Variants in MICU2 observed in about 807,000 individuals in gnomAD.
MICU2 encodes mitochondrial calcium uptake 2, also known as calcium uptake protein 2, mitochondrial.
Under a neutral mutation model 60.4 loss-of-function variants are expected in MICU2, and 64 were observed. The observed-to-expected ratio is 1.06, with a 90% CI of 0.87 to 1.31. The LOEUF (loss-of-function observed/expected upper bound fraction) is 1.31, where lower values mean the gene tolerates loss of function less well. Ranked by LOEUF, MICU2 falls within the 50% of genes most tolerant of loss-of-function variation. The pLI, the probability that MICU2 is intolerant of heterozygous loss-of-function variation, is 0.00. For synonymous variants in MICU2, 201 were observed against 175.0 expected (o/e 1.15, Z -1.17); for missense variants, 569 against 531.0 (o/e 1.07, Z -0.70).
intron 2 of MICU2, among the ~76,000 whole-genome samples, chr13:21,542,474 A>T (rs1236239873): frequency 3.9e-5 from 6 of 152,050 alleles, no homozygotes; most frequent in Non-Finnish European, 8.8e-5. Context: ...TTCTTTGGCT[A>T]TTTCCACATT....
At chr13:21,597,525 T>C (rs1240884109) in intron 1 of MICU2, among the ~76,000 whole-genome samples, 3 of 152,194 alleles carry the variant, frequency 2.0e-5, no homozygotes, top group African/African-American at 7.2e-5. Flanking sequence ...TAGATAAACA[T>C]TTATGATGTG....
chr13:21,565,334 C>T (rs976928878), intron 2 of MICU2, among the ~76,000 whole-genome samples: 4 of 151,368 alleles, frequency 2.6e-5, no homozygotes, highest in Non-Finnish European at 4.4e-5. Context: ...TTGAGACCAG[C>T]CTGGCCAACA....
chr13:21,519,459 C>G lies in MICU2; in HGVS notation c.597+1786G>C, dbSNP rs568169097. On this transcript the variant is annotated intron_variant, in intron 6 of 11. Transcript: ENST00000382374. ...ACTCCATTATCCTGCACTCTCTGGG[C>G]TCTTTGGTACTCTGCTCACTGTTCT... Among the ~76,000 whole-genome samples the G allele has an allele frequency of 2.6e-5, 4 of 152,342 alleles. No homozygotes were observed. The East Asian group carries it at 7.7e-4, about 29-fold the overall frequency.
rs1271477685 is a variant in MICU2, at chr13:21,539,392, A to C, written c.391-15T>G. 6.2e-7 allele frequency: 1 copy of C among 1,605,606 alleles called. No individual in the cohort carries two copies. The highest frequency in any genetic ancestry group is 8.5e-7 in the Non-Finnish European group (1 of 1,176,080). On this transcript the variant is annotated splice_polypyrimidine_tract_variant and intron_variant, in intron 3 of 11. Transcript: ENST00000382374. ...TCCTCGATGTCCTTTGAATACACAT[A>C]TTAAAATTAAACTTCTAAAAGTTCA...
chr13:21,512,817 T>C (rs1394923191), intron 7 of MICU2, among the ~76,000 whole-genome samples: 3 of 152,222 alleles, frequency 2.0e-5, no homozygotes, highest in Non-Finnish European at 2.9e-5. Flanking sequence ...TCCAATGCCA[T>C]GAAGCTTTGC....
chr13:21,511,955 A>C (rs1271746843), intron 7 of MICU2, among the ~76,000 whole-genome samples: 2 of 152,156 alleles, frequency 1.3e-5, no homozygotes, highest in African/African-American at 4.8e-5. Context: ...AAAGATATCT[A>C]GATTGTTTCC....
intron 4 of MICU2, among the ~76,000 whole-genome samples, chr13:21,538,193 T>C (rs1055734699): frequency 1.3e-5 from 2 of 152,128 alleles, no homozygotes; most frequent in Non-Finnish European, 2.9e-5. Flanking sequence ...GCTCTGCAAC[T>C]TGGCTTTAGA....
chr13:21,498,420 C>T (rs1003990009), intron 9 of MICU2, among the ~76,000 whole-genome samples: 5 of 141,274 alleles, frequency 3.5e-5, no homozygotes, highest in Admixed American at 7.5e-5. Flanking sequence ...GCTCTGTCAC[C>T]CAGGCTGAAG....
intron 8 of MICU2, among the ~76,000 whole-genome samples, chr13:21,509,161 A>G (rs905842080): frequency 3.3e-5 from 5 of 152,226 alleles, no homozygotes; most frequent in African/African-American, 1.2e-4. Flanking sequence ...GTGGAGTAGC[A>G]CAGGGAGGTG....
Position 21,566,931 on chromosome 13 carries a change from T to A in MICU2, c.224A>T (p.His75Leu), listed in dbSNP as rs1045993590. Residue 75 changes from histidine (H) to leucine (L), a missense_variant, in exon 2 of 12, where the codon CAT becomes CTT. Transcript: ENST00000382374. The stretch of plus-strand genomic sequence containing the variant: ...CGGTTTCCCAATATATATTATTCCA[T>A]GTTCAACATTTTTCTAAAAGAAAAA... ...FTVSAQKNVE[H>L]GIIYIGKPSL... The A allele has an allele frequency of 3.7e-5, 59 of 1,587,178 alleles. No homozygotes were observed. Among genetic ancestry groups the A allele is most frequent in the Non-Finnish European group, 4.9e-5 (57 of 1,172,986 alleles).
In MICU2 at chr13:21,579,377, G is replaced by A. The variant is rs150815208; in HGVS notation, c.211-12433C>T. 4.9e-5 allele frequency among the ~76,000 whole-genome samples: 6 copies of A among 121,448 alleles called. No individual in the cohort carries two copies. The East Asian group carries it at 1.5e-3, about 30-fold the overall frequency. The allele number at this position is 121,448 out of a possible 152,430, so 79.7% of individuals were successfully genotyped here. A position where few individuals can be genotyped will look rare whatever the true frequency, so the allele number is the denominator to read the frequency against. On this transcript the variant is annotated intron_variant, in intron 1 of 11. Transcript: ENST00000382374. ...TTTTTTGAGATGGAGTTTCATTCTT[G>A]TTGCCCAGATTGGAGTGCAATGATG...
intron 4 of MICU2, among the ~76,000 whole-genome samples, chr13:21,538,953 C>G (rs1887206363): frequency 6.6e-6 from 1 of 152,116 alleles, no homozygotes; most frequent in Non-Finnish European, 1.5e-5. Context: ...AACACTTTCT[C>G]TGCTTGGCTT....
rs750394979 is a variant in MICU2 at position 21,509,970 on chromosome 13, A to G, written c.761+34T>C. ...TTTCTCTTTATTTCTTACCCATAAA[A>G]TTTCCCTAAATGAATGTAAATATTT... On this transcript the variant is annotated intron_variant, in intron 8 of 11. Transcript: ENST00000382374. 1.5e-5 allele frequency: 19 copies of G among 1,254,700 alleles called. No individual in the cohort carries two copies. In the East Asian group the frequency reaches 4.9e-4, roughly 33 times the overall value. 77.7% of individuals were successfully genotyped at this position (1,254,700 alleles called of 1,614,324 possible). A position where few individuals can be genotyped will look rare whatever the true frequency, so the allele number is the denominator to read the frequency against.
At chr13:21,556,381 C>A (rs1887709492) in intron 2 of MICU2, among the ~76,000 whole-genome samples, 1 of 152,148 alleles carries the variant, frequency 6.6e-6, no homozygotes, top group African/African-American at 2.4e-5. Flanking sequence ...TTTTCCTTAT[C>A]TCTTCACCTC....
chr13:21,509,727 T>G lies in MICU2; in HGVS notation c.761+277A>C, dbSNP rs114078888. ...TAAAGAACAACTGACGCTAGGCGCA[T>G]GGTTCTTTGTTGCAAACATTAAGTT... On this transcript the variant is annotated intron_variant, in intron 8 of 11. Transcript: ENST00000382374. Among the ~76,000 whole-genome samples the G allele has an allele frequency of 5.8e-3, 890 of 152,368 alleles. 7 individuals carry two copies. Among genetic ancestry groups the G allele is most frequent in the African/African-American group, 0.019 (803 of 41,588 alleles).
chr13:21,589,297 T>C (rs547351365), intron 1 of MICU2, among the ~76,000 whole-genome samples: 3 of 152,340 alleles, frequency 2.0e-5, no homozygotes, highest in South Asian at 2.1e-4. Context: ...ACAGCCGTAA[T>C]GGGTGTACTT....
At chr13:21,587,563 A>G (rs1888485754) in intron 1 of MICU2, among the ~76,000 whole-genome samples, 2 of 152,356 alleles carry the variant, frequency 1.3e-5, no homozygotes, top group South Asian at 4.1e-4. Context: ...CTACTCAATG[A>G]TAGGTGAAAA....
intron 11 of MICU2, 81 bp downstream of exon 11, chr13:21,495,080 G>T: frequency 9.6e-7 from 1 of 1,038,166 alleles, no homozygotes. Flanking sequence ...TCCATTTAAA[G>T]ACTGTACAAT....
chr13:21,545,691 A>C (rs541003796), intron 2 of MICU2, among the ~76,000 whole-genome samples: 32 of 152,022 alleles, frequency 2.1e-4, no homozygotes, highest in Non-Finnish European at 3.1e-4. Flanking sequence ...AAAAGGGTTG[A>C]TATCATAGAA....
Sources: allele counts gnomAD v4.1 joint callset (sites outside exome capture counted in the v4.1 genomes callset), GRCh38; gene constraint gnomAD v4.1.1; transcripts MANE v1.5; gene names NCBI Gene and HGNC (gene_info 2026-07-23, HGNC 2026-07-21).